The following XRCC4 variants were observed in gnomAD, a reference collection of about 807,000 sequenced individuals.
XRCC4 encodes X-ray repair cross complementing 4, also known as DNA repair protein XRCC4.
Under a neutral mutation model 39.1 loss-of-function variants are expected in XRCC4, and 28 were observed. That is an observed-to-expected ratio of 0.72 (90% CI 0.53 to 0.98). The LOEUF (loss-of-function observed/expected upper bound fraction) is 0.98, where lower values mean the gene tolerates loss of function less well. Ranked by LOEUF, XRCC4 falls within the 50% of genes least tolerant of loss-of-function variation. The probability of loss-of-function intolerance (pLI) is 0.00; values close to 1 mark genes in which losing one functional copy is unlikely to be tolerated. For synonymous variants in XRCC4, 123 were observed against 126.4 expected, an observed-to-expected ratio of 0.97 and a Z score of 0.18; for missense variants, 350 against 376.4, an observed-to-expected ratio of 0.93 and a Z score of 0.58.
intron 6 of XRCC4, among the ~76,000 whole-genome samples, chr5:83,219,668 G>A (rs772193061): frequency 1.3e-5 from 2 of 152,086 alleles, no homozygotes; most frequent in Non-Finnish European, 2.9e-5. Context: ...ATAGAAATGT[G>A]GCTAGTCCAA....
intron 6 of XRCC4, among the ~76,000 whole-genome samples, chr5:83,208,391 A>G (rs1255454559): frequency 6.6e-6 from 1 of 152,032 alleles, no homozygotes; most frequent in African/African-American, 2.4e-5. Context: ...TGGTATGGTA[A>G]TTCATTCACA....
chr5:83,212,950 TA>T (rs200863996), intron 6 of XRCC4, among the ~76,000 whole-genome samples: 60 of 101,458 alleles, frequency 5.9e-4, no homozygotes, highest in African/African-American at 1.1e-3. Context: ...AACACCAAAA[TA>T]AAAAAAAAAA....
At chr5:83,233,769 G>A (rs1212982925) in intron 6 of XRCC4, among the ~76,000 whole-genome samples, 1 of 151,400 alleles carries the variant, frequency 6.6e-6, no homozygotes, top group Non-Finnish European at 1.5e-5. Context: ...AGGCATGGTG[G>A]TGCACACCTG....
intron 7 of XRCC4, among the ~76,000 whole-genome samples, chr5:83,338,346 C>A (rs1756655810): frequency 6.6e-6 from 1 of 152,082 alleles, no homozygotes; most frequent in East Asian, 1.9e-4. Context: ...AGATATGTAG[C>A]TTTCTTGTAA....
intron 7 of XRCC4, among the ~76,000 whole-genome samples, chr5:83,329,939 C>T (rs1047872873): frequency 2.6e-5 from 4 of 152,052 alleles, no homozygotes; most frequent in East Asian, 1.9e-4. Flanking sequence ...AGCAATGTAT[C>T]GATGTTAATT....
At chr5:83,173,355 C>T (rs1048073329) in intron 3 of XRCC4, among the ~76,000 whole-genome samples, 2 of 152,076 alleles carry the variant, frequency 1.3e-5, no homozygotes, top group South Asian at 2.1e-4. Flanking sequence ...TGAAAAAACA[C>T]GGTATTAATG....
chr5:83,301,642 C>T (rs991524069), intron 7 of XRCC4, among the ~76,000 whole-genome samples: 1 of 152,154 alleles, frequency 6.6e-6, no homozygotes, highest in Admixed American at 6.5e-5. Flanking sequence ...GTCATGAAGT[C>T]TTTGCCCATG....
chr5:83,258,756 C>T, intron 7 of XRCC4, 79 bp downstream of exon 7: 4 of 1,472,078 alleles, frequency 2.7e-6, no homozygotes, highest in Non-Finnish European at 3.7e-6. Context: ...ATTATGTTTT[C>T]ATTTTGAACG....
intron 7 of XRCC4, among the ~76,000 whole-genome samples, chr5:83,296,988 A>AT (rs1424511178): frequency 6.6e-6 from 1 of 152,004 alleles, no homozygotes; most frequent in East Asian, 1.9e-4. Flanking sequence ...AGAATGGATC[A>AT]TTCAGATTGT....
At chr5:83,347,473 G>GGA (rs1756951064) in intron 7 of XRCC4, among the ~76,000 whole-genome samples, 1 of 152,060 alleles carries the variant, frequency 6.6e-6, no homozygotes, top group African/African-American at 2.4e-5. Context: ...ATGACTGGCA[G>GGA]GAGAGAGAGA....
chr5:83,367,438 T>C, the XRCC4 span, among the ~76,000 whole-genome samples: 1 of 152,190 alleles, frequency 6.6e-6, no homozygotes, highest in African/African-American at 2.4e-5. Flanking sequence ...TACAAACCCA[T>C]CCTGCTCATC....
At chr5:83,247,616 C>T (rs1439883700) in intron 6 of XRCC4, among the ~76,000 whole-genome samples, 1 of 152,140 alleles carries the variant, frequency 6.6e-6, no homozygotes, top group Non-Finnish European at 1.5e-5. Flanking sequence ...ATGATGCCAT[C>T]GTACTAGCAA....
intron 6 of XRCC4, among the ~76,000 whole-genome samples, chr5:83,244,572 T>C (rs908454383): frequency 0.018 from 9 of 506 alleles, no homozygotes; most frequent in Admixed American, 0.033. Context: ...TGACTTATGA[T>C]AACTCCTTTG....
chr5:83,234,036 C>T (rs1328113835), intron 6 of XRCC4, among the ~76,000 whole-genome samples: 2 of 151,974 alleles, frequency 1.3e-5, no homozygotes, highest in Admixed American at 6.6e-5. Flanking sequence ...CGAATACAGG[C>T]GTTTTATACG....
intron 3 of XRCC4, among the ~76,000 whole-genome samples, chr5:83,125,735 A>G (rs956704092): frequency 1.8e-5 from 2 of 108,792 alleles, no homozygotes; most frequent in African/African-American, 8.6e-5. Context: ...ACATGCCTGT[A>G]ATTCCAACAG....
At chr5:83,355,230 C>A (rs1371306428), downstream of XRCC4, among the ~76,000 whole-genome samples, 1 of 152,236 alleles carries the variant, frequency 6.6e-6, no homozygotes, top group South Asian at 2.1e-4. Context: ...GGGGTGCATT[C>A]CCTGAAATAC....
At chr5:83,118,294 C>T (rs1199034900) in intron 3 of XRCC4, among the ~76,000 whole-genome samples, 1 of 150,742 alleles carries the variant, frequency 6.6e-6, no homozygotes, top group African/African-American at 2.4e-5. Context: ...ATCATGTTCC[C>T]TTGGCTTTTT....
At chr5:83,347,421 C>T (rs930919714) in intron 7 of XRCC4, among the ~76,000 whole-genome samples, 1 of 152,080 alleles carries the variant, frequency 6.6e-6, no homozygotes, top group African/African-American at 2.4e-5. Flanking sequence ...AGGAAACTTA[C>T]AATCATGGTG....
the XRCC4 span, among the ~76,000 whole-genome samples, chr5:83,367,142 T>A: frequency 6.6e-6 from 1 of 152,158 alleles, no homozygotes; most frequent in African/African-American, 2.4e-5. Context: ...ACTGATTAAA[T>A]CAGTATCATG....
Sources: gnomAD v4.1 joint callset for allele counts (sites outside exome capture counted in the v4.1 genomes callset) on GRCh38, gnomAD v4.1.1 for gene constraint, MANE v1.5 for transcripts, NCBI Gene and HGNC (gene_info 2026-07-23, HGNC 2026-07-21) for gene names.